MTSS1: variants seen among roughly 807,000 people sequenced by gnomAD.
MTSS1 encodes protein MTSS 1.
Under a neutral mutation model 79.0 loss-of-function variants are expected in MTSS1, and 18 were observed. The ratio of observed to expected loss-of-function variants is 0.23; its 90% CI spans 0.16 to 0.34. MTSS1 has a LOEUF of 0.34. MTSS1 is among the 10% of genes least tolerant of loss of function. The pLI is 1.00. For missense variants in MTSS1, 815 were observed against 986.2 expected (o/e 0.83, Z 2.33); for synonymous variants, 341 against 368.6 (o/e 0.93, Z 0.86).
chr8:124,587,359 A>G (rs142760099), intron 5 of MTSS1, among the ~76,000 whole-genome samples: 3 of 152,370 alleles, frequency 2.0e-5, no homozygotes, highest in Admixed American at 6.5e-5. Flanking sequence ...CTTTTACCCA[A>G]TGAAAAGTAC....
At chr8:124,637,204 C>G (rs1014104985) in intron 3 of MTSS1, among the ~76,000 whole-genome samples, 1 of 152,176 alleles carries the variant, frequency 6.6e-6, no homozygotes, top group Non-Finnish European at 1.5e-5. Flanking sequence ...CTAGAGCCAT[C>G]CTACTCCCTC....
Position 124,686,876 on chromosome 8 carries a change from T to G in MTSS1, c.208+12650A>C, listed in dbSNP as rs570690722. ...TAGACGAGATACACACTCCAGAAAC[T>G]TATGTCTGGCACACTTGGTTAAAAT... On this transcript the variant is annotated intron_variant, in intron 3 of 13. Coordinates refer to ENST00000518547, the MANE Select transcript of MTSS1 (RefSeq NM_014751.6). Among the ~76,000 whole-genome samples the G allele has an allele frequency of 3.3e-5, 5 of 152,260 alleles. No homozygotes were observed. In the East Asian group the frequency reaches 9.7e-4, roughly 29 times the overall value.
intron 3 of MTSS1, among the ~76,000 whole-genome samples, chr8:124,636,870 T>A (rs922620665): frequency 6.6e-6 from 1 of 152,222 alleles, no homozygotes; most frequent in Admixed American, 6.5e-5. Context: ...CAGCATTTGC[T>A]GCGGGCAAGG....
intron 3 of MTSS1, among the ~76,000 whole-genome samples, chr8:124,596,565 T>G (rs894802169): frequency 2.0e-5 from 3 of 152,196 alleles, no homozygotes; most frequent in Admixed American, 6.5e-5. Flanking sequence ...ATTTTGCATA[T>G]GAAGACACAC....
At chr8:124,721,057 G>A (rs1450017996) in intron 1 of MTSS1, among the ~76,000 whole-genome samples, 1 of 152,154 alleles carries the variant, frequency 6.6e-6, no homozygotes, top group Non-Finnish European at 1.5e-5. Flanking sequence ...GTTGTAGCCA[G>A]CAGAAGGTAG....
At chr8:124,589,755 C>T in intron 4 of MTSS1, 44 bp from the exon 5 acceptor site, 1 of 1,309,154 alleles carries the variant, frequency 7.6e-7, no homozygotes, top group East Asian at 2.3e-5. Context: ...TAAATAGATA[C>T]ATTCTGTTGT....
intron 3 of MTSS1, among the ~76,000 whole-genome samples, chr8:124,670,610 G>C (rs955194421): frequency 6.6e-6 from 1 of 152,216 alleles, no homozygotes; most frequent in African/African-American, 2.4e-5. Context: ...AAGCAAGGAA[G>C]TGAGCTTCAG....
chr8:124,698,776 C>A (rs113913605), intron 3 of MTSS1, among the ~76,000 whole-genome samples: 10,627 of 152,182 alleles, frequency 0.07, 544 homozygotes, highest in African/African-American at 0.15. Context: ...CTTGCCTTGG[C>A]CTCCCAAAGT....
In MTSS1 at chr8:124,615,729, AT is replaced by A. The variant is rs564901932; in HGVS notation, c.209-24495del. ...CACTCCACCACAACTAAAAATTAAAATTTTTTTAAAAACCAATGATCTCATT... is the reference window on the plus strand; with the variant it reads ...CACTCCACCACAACTAAAAATTAAAATTTTTTAAAAACCAATGATCTCATT... On this transcript the variant is annotated intron_variant, in intron 3 of 13. Coordinates refer to ENST00000518547, the MANE Select transcript of MTSS1 (RefSeq NM_014751.6). 3.5e-3 allele frequency among the ~76,000 whole-genome samples: 533 copies of A among 152,324 alleles called. 2 individuals carry two copies. Among genetic ancestry groups the A allele is most frequent in the African/African-American group, 7.1e-3 (294 of 41,572 alleles).
At chr8:124,659,274 T>C (rs1253826349) in intron 3 of MTSS1, among the ~76,000 whole-genome samples, 1 of 152,190 alleles carries the variant, frequency 6.6e-6, no homozygotes, top group Non-Finnish European at 1.5e-5. Context: ...AATAGCTAAA[T>C]GGTATCAATT....
intron 10 of MTSS1, among the ~76,000 whole-genome samples, chr8:124,561,782 G>A (rs1165192635): frequency 6.6e-6 from 1 of 152,028 alleles, no homozygotes; most frequent in African/African-American, 2.4e-5. Flanking sequence ...AGCACACAGC[G>A]GGGAAGAGGA....
chr8:124,716,375 C>T (rs1203771473), intron 1 of MTSS1, among the ~76,000 whole-genome samples: 11 of 152,216 alleles, frequency 7.2e-5, no homozygotes, highest in Admixed American at 2.0e-4. Context: ...CTCATTTCGT[C>T]TGCCTGATCG....
chr8:124,625,161 G>C (rs1814415105), intron 3 of MTSS1, among the ~76,000 whole-genome samples: 1 of 152,206 alleles, frequency 6.6e-6, no homozygotes, highest in South Asian at 2.1e-4. Context: ...TCGTCTGCCA[G>C]GATCAGATTC....
rs1822453873 is a variant in MTSS1, at chr8:124,551,124, A to G, written c.*1868T>C. ...AACTAAACAAGTGAAAAGCTGTACC[A>G]AGGTACAGTTACATCCATTTATTTC... On this transcript the variant is annotated 3_prime_UTR_variant, in exon 14 of 14. Coordinates refer to ENST00000518547, the MANE Select transcript of MTSS1 (RefSeq NM_014751.6). 1 of 152,614 alleles carries G rather than the reference A, an allele frequency of 6.6e-6. No homozygotes were observed. The highest frequency in any genetic ancestry group is 2.4e-5 in the African/African-American group (1 of 41,466). 9.5% of individuals were successfully genotyped at this position (152,614 alleles called of 1,614,324 possible).
intron 4 of MTSS1, 23 bp downstream of exon 4, chr8:124,591,128 C>G: frequency 6.2e-7 from 1 of 1,606,808 alleles, no homozygotes; most frequent in Middle Eastern, 1.7e-4. Context: ...TGTTGGCGAT[C>G]GGGGCCAAAA....
chr8:124,568,625 A>G, intron 6 of MTSS1, 89 bp from the exon 7 acceptor site: 1 of 1,576,924 alleles, frequency 6.3e-7, no homozygotes. Flanking sequence ...TGCTGGAGTC[A>G]AAACCACAAT....
Position 124,606,709 on chromosome 8 carries a change from G to A in MTSS1, c.209-15474C>T, listed in dbSNP as rs150028311. Among the ~76,000 whole-genome samples, 4 of 150,018 alleles carry A rather than the reference G, an allele frequency of 2.7e-5. No individual in the cohort carries two copies. In the East Asian group the frequency reaches 7.9e-4, roughly 30 times the overall value. On this transcript the variant is annotated intron_variant, in intron 3 of 13. Transcript: ENST00000518547. ...GGGAGAAAATAAGAGCCCTTCCCCC[G>A]AACATCTGTTTTATCAGCCAGATTC...
At chr8:124,559,045 G>A (rs1035293102) in intron 10 of MTSS1, among the ~76,000 whole-genome samples, 51 of 152,126 alleles carry the variant, frequency 3.4e-4, no homozygotes, top group African/African-American at 1.2e-3. Context: ...AGAGGCTTTC[G>A]AGCCCTTGAA....
chr8:124,692,261 A>C (rs1464775377), intron 3 of MTSS1, among the ~76,000 whole-genome samples: 1 of 151,994 alleles, frequency 6.6e-6, no homozygotes, highest in African/African-American at 2.4e-5. Flanking sequence ...AACTCCTGAC[A>C]TCAAGTGATC....
Sources: allele counts gnomAD v4.1 joint callset (sites outside exome capture counted in the v4.1 genomes callset), GRCh38; gene constraint gnomAD v4.1.1; transcripts MANE v1.5; gene names NCBI Gene and HGNC (gene_info 2026-07-23, HGNC 2026-07-21).